Variants in DCDC1 observed in about 807,000 individuals in gnomAD.
The protein encoded by DCDC1 is doublecortin domain containing 1, also known as doublecortin domain-containing protein 1.
Under a neutral mutation model 178.3 loss-of-function variants are expected in DCDC1, and 200 were observed. That is an observed-to-expected ratio of 1.12 (90% confidence interval 1.00 to 1.26). The LOEUF (loss-of-function observed/expected upper bound fraction) is 1.26, where lower values mean the gene tolerates loss of function less well. Ranked by LOEUF, DCDC1 falls within the 50% of genes most tolerant of loss-of-function variation. DCDC1 has a pLI of 0.00. For missense variants in DCDC1, 1,983 were observed against 1,749.2 expected, an observed-to-expected ratio of 1.13 and a Z score of -2.38; for synonymous variants, 690 against 604.8, an observed-to-expected ratio of 1.14 and a Z score of -2.07.
intron 16 of DCDC1, among the ~76,000 whole-genome samples, chr11:31,093,045 C>A (rs1343638736): frequency 6.6e-6 from 1 of 152,152 alleles, no homozygotes; most frequent in Non-Finnish European, 1.5e-5. Flanking sequence ...AATGTAATGT[C>A]TGACATACAG....
At chr11:30,977,766 CA>C (rs1454816680) in intron 20 of DCDC1, among the ~76,000 whole-genome samples, 1 of 151,788 alleles carries the variant, frequency 6.6e-6, no homozygotes, top group African/African-American at 2.4e-5. Context: ...CCCATCTCTA[CA>C]AAAAAATACA....
intron 20 of DCDC1, among the ~76,000 whole-genome samples, chr11:30,956,398 AG>A: frequency 6.6e-6 from 1 of 152,316 alleles, no homozygotes; most frequent in East Asian, 1.9e-4. Context: ...TATCTCAAGT[AG>A]GGAAACTCTG....
chr11:31,068,167 T>C (rs1956359286), intron 18 of DCDC1, among the ~76,000 whole-genome samples: 1 of 152,182 alleles, frequency 6.6e-6, no homozygotes, highest in Non-Finnish European at 1.5e-5. Context: ...AAAAGCATAA[T>C]AAAACAAATC....
intron 21 of DCDC1, chr11:30,943,650 A>T (rs1212648907): frequency 1.3e-5 from 6 of 453,352 alleles, no homozygotes; most frequent in Non-Finnish European, 2.2e-5. Context: ...AAATAACTTG[A>T]GTTCCTCTAA....
chr11:30,905,151 C>T lies in DCDC1; in HGVS notation c.4118G>A (p.Cys1373Tyr), dbSNP rs752627058. Residue 1373 changes from cysteine (C) to tyrosine (Y), a missense_variant, in exon 31 of 39, where the codon TGT (cysteine) becomes TAT (tyrosine). Physicochemically the swap from Cys to Tyr is radical, Grantham distance 194. Transcript: ENST00000684477. The stretch of plus-strand genomic sequence containing the variant: ...ACTTAGAGTTTTTTCAGCCTTGTCA[C>T]ACGACAAATCAACCTAATTTTTTAA... ...VISVAEVDLS[C>Y]DKAEKTLSYY... is the part of the protein sequence containing the mutation. The T allele has an allele frequency of 7.5e-6, 12 of 1,594,682 alleles. No homozygotes were observed. In the South Asian group the frequency reaches 1.0e-4, roughly 13 times the overall value.
intron 21 of DCDC1, among the ~76,000 whole-genome samples, chr11:30,945,287 A>G (rs1431911422): frequency 6.6e-6 from 1 of 152,000 alleles, no homozygotes; most frequent in Non-Finnish European, 1.5e-5. Context: ...TTTTTAAAGT[A>G]AATATTAAAA....
At chr11:30,961,875 A>T (rs1300869438) in intron 20 of DCDC1, among the ~76,000 whole-genome samples, 1 of 152,030 alleles carries the variant, frequency 6.6e-6, no homozygotes, top group East Asian at 1.9e-4. Flanking sequence ...GAAGTTTTCT[A>T]GGGTTCTAGT....
At chr11:31,019,945 A>C (rs1952758156) in intron 20 of DCDC1, among the ~76,000 whole-genome samples, 1 of 152,080 alleles carries the variant, frequency 6.6e-6, no homozygotes, top group Non-Finnish European at 1.5e-5. Flanking sequence ...CTCGGAGAGA[A>C]AATTTTCCTG....
At position 31,110,370 on chromosome 11, in the gene DCDC1, T is replaced by C. The variant is rs931535605; in HGVS notation, c.1486-9A>G. ...TTACCATTTTCAAATACCTGAAAAA[T>C]AAACATATTCAAAAATAAAAATAAA... On this transcript the variant is annotated splice_polypyrimidine_tract_variant and intron_variant, in intron 11 of 38. Transcript: ENST00000684477. The C allele has an allele frequency of 3.4e-5, 24 of 697,682 alleles. No homozygotes were observed. The highest frequency in any genetic ancestry group is 6.3e-5 in the Non-Finnish European group (24 of 382,476). 43.2% of individuals were successfully genotyped at this position (697,682 alleles called of 1,614,324 possible).
chr11:30,911,517 A>G (rs273602), intron 27 of DCDC1, 97 bp from the exon 28 acceptor site: 40 of 838,512 alleles, frequency 4.8e-5, no homozygotes, highest in Non-Finnish European at 7.8e-5. Flanking sequence ...AGCTCCATGC[A>G]TGCTCTGTAA....
chr11:31,014,074 G>A (rs941039081), intron 20 of DCDC1, among the ~76,000 whole-genome samples: 3 of 152,124 alleles, frequency 2.0e-5, no homozygotes, highest in Admixed American at 6.5e-5. Context: ...CAATATGACC[G>A]TATTTGGAGA....
At position 31,075,716 on chromosome 11, in the gene DCDC1, G is replaced by A. The variant is rs548099509; in HGVS notation, c.2298+2149C>T. Among the ~76,000 whole-genome samples the A allele has an allele frequency of 3.4e-4, 51 of 152,170 alleles. 1 individual carries two copies. The South Asian group carries it at 6.6e-3, about 20-fold the overall frequency. ...TTGAAAAATGTCTATCACGTCCTTC[G>A]CCCACTTTTTAATGGAGTTATCTGT... is the stretch of plus-strand genomic sequence containing the variant. On this transcript the variant is annotated intron_variant, in intron 18 of 38. Coordinates refer to ENST00000684477, the MANE Select transcript of DCDC1 (RefSeq NM_001387274.1).
chr11:30,903,879 A>T (rs1461108478), intron 31 of DCDC1, 196 bp from the exon 32 acceptor site: 1 of 408,708 alleles, frequency 2.4e-6, no homozygotes, highest in Non-Finnish European at 4.2e-6. Context: ...ATTTCACAAC[A>T]GTAGTCCAAT....
chr11:31,143,202 A>G (rs1411534620), intron 9 of DCDC1, among the ~76,000 whole-genome samples: 3 of 152,206 alleles, frequency 2.0e-5, no homozygotes, highest in Non-Finnish European at 4.4e-5. Context: ...TTAGAGATGG[A>G]GTGGCTGGAG....
intron 23 of DCDC1, among the ~76,000 whole-genome samples, chr11:30,924,840 AG>A (rs1946494047): frequency 6.6e-6 from 1 of 152,152 alleles, no homozygotes; most frequent in Non-Finnish European, 1.5e-5. Flanking sequence ...TGGGAGGCTG[AG>A]GCAGGTGGAT....
chr11:31,161,232 C>T (rs1300868407), intron 9 of DCDC1, among the ~76,000 whole-genome samples: 1 of 152,078 alleles, frequency 6.6e-6, no homozygotes, highest in Non-Finnish European at 1.5e-5. Context: ...GTTATTAGCA[C>T]TAAACACTGG....
intron 20 of DCDC1, among the ~76,000 whole-genome samples, chr11:30,975,891 C>A (rs1950074961): frequency 6.6e-6 from 1 of 151,764 alleles, no homozygotes; most frequent in African/African-American, 2.4e-5. Context: ...AAAAAAGACT[C>A]CAAATAACCA....
chr11:31,208,388 C>G (rs1207311109), intron 9 of DCDC1, among the ~76,000 whole-genome samples: 1 of 152,116 alleles, frequency 6.6e-6, no homozygotes, highest in Non-Finnish European at 1.5e-5. Flanking sequence ...GGACTATTTC[C>G]AAAATATATC....
At chr11:31,047,467 A>G (rs1954921684) in intron 20 of DCDC1, among the ~76,000 whole-genome samples, 1 of 152,226 alleles carries the variant, frequency 6.6e-6, no homozygotes, top group Non-Finnish European at 1.5e-5. Flanking sequence ...TTTAAGGGTT[A>G]GTGATAAACA....
Sources: allele counts gnomAD v4.1 joint callset (sites outside exome capture counted in the v4.1 genomes callset), GRCh38; gene constraint gnomAD v4.1.1; transcripts MANE v1.5; gene names NCBI Gene and HGNC (gene_info 2026-07-23, HGNC 2026-07-21).